Variants in FAM13A observed in about 807,000 individuals in gnomAD.
FAM13A encodes the protein family with sequence similarity 13 member A.
Under a neutral mutation model 129.6 loss-of-function variants are expected in FAM13A, and 76 were observed. That is an observed-to-expected ratio of 0.59 (90% CI 0.49 to 0.71). FAM13A has a LOEUF of 0.71. FAM13A is among the 30% of genes least tolerant of loss of function. The pLI is 0.00. For synonymous variants in FAM13A, 443 were observed against 449.9 expected, an observed-to-expected ratio of 0.98 and a Z score of 0.20; for missense variants, 1,108 against 1,249.3, an observed-to-expected ratio of 0.89 and a Z score of 1.70.
At chr4:88,894,147 C>T (rs1268012659) in intron 6 of FAM13A, among the ~76,000 whole-genome samples, 2 of 152,156 alleles carry the variant, frequency 1.3e-5, no homozygotes, top group Non-Finnish European at 2.9e-5. Flanking sequence ...GATGCAACAT[C>T]CTAAGAGCAT....
At chr4:88,987,378 T>C (rs1762369085) in intron 4 of FAM13A, among the ~76,000 whole-genome samples, 1 of 152,152 alleles carries the variant, frequency 6.6e-6, no homozygotes, top group African/African-American at 2.4e-5. Context: ...AGTCACCTAA[T>C]GAATTACTTG....
intron 5 of FAM13A, among the ~76,000 whole-genome samples, chr4:88,927,197 G>GTA (rs1229162824): frequency 2.7e-5 from 4 of 150,592 alleles, no homozygotes; most frequent in African/African-American, 9.7e-5. Flanking sequence ...ATATTCCTAT[G>GTA]TATATTTTTT....
At chr4:88,781,396 G>T in intron 10 of FAM13A, 45 bp from the exon 11 acceptor site, 2 of 1,362,422 alleles carry the variant, frequency 1.5e-6, no homozygotes, top group Non-Finnish European at 1.0e-6. Context: ...AAGATCAAAT[G>T]GTCATTGAAT....
chr4:88,761,168 A>G (rs1560920550), intron 13 of FAM13A, among the ~76,000 whole-genome samples: 1 of 152,180 alleles, frequency 6.6e-6, no homozygotes, highest in African/African-American at 2.4e-5. Context: ...TTAAAATGGC[A>G]TAAGTGATAC....
At chr4:88,980,377 A>C (rs1275675200) in intron 4 of FAM13A, among the ~76,000 whole-genome samples, 1 of 152,204 alleles carries the variant, frequency 6.6e-6, no homozygotes, top group East Asian at 1.9e-4. Context: ...TTTGTAATAA[A>C]AACAAATGTA....
chr4:88,824,282 G>T (rs181360276), intron 7 of FAM13A, among the ~76,000 whole-genome samples: 1 of 152,244 alleles, frequency 6.6e-6, no homozygotes, highest in East Asian at 1.9e-4. Context: ...CAGAAACAGT[G>T]AGGGCTTGTA....
chr4:88,994,529 G>A (rs1200578031), intron 3 of FAM13A, among the ~76,000 whole-genome samples: 2 of 152,132 alleles, frequency 1.3e-5, no homozygotes, highest in African/African-American at 4.8e-5. Flanking sequence ...GCCTTCTGAC[G>A]CTTGCGAGAA....
chr4:88,835,024 T>C (rs997033757), intron 7 of FAM13A, among the ~76,000 whole-genome samples: 10 of 152,200 alleles, frequency 6.6e-5, no homozygotes, highest in African/African-American at 2.2e-4. Flanking sequence ...TTGTACAGAA[T>C]TGATCTCCCC....
chr4:88,751,313 C>T (rs541907327), intron 14 of FAM13A, among the ~76,000 whole-genome samples: 13 of 152,184 alleles, frequency 8.5e-5, no homozygotes, highest in East Asian at 7.7e-4. Flanking sequence ...TTTGGTATCA[C>T]GGCTGTACAT....
chr4:88,966,581 C>A (rs947519853), intron 4 of FAM13A, among the ~76,000 whole-genome samples: 1 of 152,076 alleles, frequency 6.6e-6, no homozygotes, highest in Non-Finnish European at 1.5e-5. Context: ...TCATTTATTA[C>A]CTACTTTCTT....
chr4:88,910,528 C>T (rs1748921266), intron 5 of FAM13A, among the ~76,000 whole-genome samples: 1 of 152,056 alleles, frequency 6.6e-6, no homozygotes, highest in South Asian at 2.1e-4. Flanking sequence ...CCCAGGATGC[C>T]ACCTGGGAAG....
intron 1 of FAM13A, among the ~76,000 whole-genome samples, chr4:89,054,322 C>T (rs1771960477): frequency 6.7e-6 from 1 of 149,812 alleles, no homozygotes; most frequent in African/African-American, 2.5e-5. Context: ...CACACACGTA[C>T]GTACTACAGA....
intron 1 of FAM13A, among the ~76,000 whole-genome samples, chr4:89,052,085 C>T (rs916867349): frequency 3.3e-5 from 5 of 151,786 alleles, no homozygotes; most frequent in South Asian, 2.1e-4. Context: ...CTCTGGGCAC[C>T]GGCAGAGACA....
At chr4:89,023,380 C>T (rs1767529662) in intron 2 of FAM13A, among the ~76,000 whole-genome samples, 1 of 151,432 alleles carries the variant, frequency 6.6e-6, no homozygotes, top group South Asian at 2.1e-4. Context: ...CTAATCTTGC[C>T]TTCTGTTTTT....
chr4:89,000,197 AC>A (rs2149049654), intron 3 of FAM13A, among the ~76,000 whole-genome samples: 1 of 152,324 alleles, frequency 6.6e-6, no homozygotes, highest in East Asian at 1.9e-4. Flanking sequence ...ACAGGTAGAT[AC>A]TCAAGAGAAA....
chr4:88,770,873 GT>G (rs1393660721), intron 11 of FAM13A, among the ~76,000 whole-genome samples: 1 of 152,110 alleles, frequency 6.6e-6, no homozygotes, highest in Non-Finnish European at 1.5e-5. Flanking sequence ...CTTTTTACAT[GT>G]TTTATCCATA....
chr4:88,751,474 A>G (rs1157840479), intron 14 of FAM13A, among the ~76,000 whole-genome samples: 2 of 152,156 alleles, frequency 1.3e-5, no homozygotes, highest in African/African-American at 2.4e-5. Context: ...CACATTTAAG[A>G]TGCATGCTTT....
intron 13 of FAM13A, among the ~76,000 whole-genome samples, chr4:88,761,122 G>C (rs1378643242): frequency 6.6e-6 from 1 of 152,172 alleles, no homozygotes; most frequent in Non-Finnish European, 1.5e-5. Context: ...CCCTGGCTGA[G>C]TTGCTTCCCT....
At chr4:88,750,776 C>A in intron 14 of FAM13A, 139 bp from the exon 15 acceptor site, 2 of 648,036 alleles carry the variant, frequency 3.1e-6, no homozygotes, top group Admixed American at 2.7e-5. Flanking sequence ...CAGCTAAGGT[C>A]CAGGCTAAGG....
Sources: allele counts gnomAD v4.1 joint callset (sites outside exome capture counted in the v4.1 genomes callset), GRCh38; gene constraint gnomAD v4.1.1; transcripts MANE v1.5; gene names NCBI Gene and HGNC (gene_info 2026-07-23, HGNC 2026-07-21).